MCF2L2: variants seen among roughly 807,000 people sequenced by gnomAD.
MCF2L2 encodes the protein MCF.2 cell line derived transforming sequence-like 2, also known as probable guanine nucleotide exchange factor MCF2L2.
MCF2L2 carries 102 observed loss-of-function variants against 150.2 expected under a neutral mutation model. That is an observed-to-expected ratio of 0.68 (90% CI 0.58 to 0.80). MCF2L2 has a LOEUF of 0.80. Among genes scored for constraint, MCF2L2 ranks in the 30% least tolerant of loss-of-function variants. MCF2L2 has a pLI of 0.00. For missense variants in MCF2L2, 1,256 were observed against 1,372.8 expected (o/e 0.91, Z 1.34); for synonymous variants, 465 against 491.3 (o/e 0.95, Z 0.71).
chr3:183,245,806 T>G (rs374321704), intron 15 of MCF2L2, among the ~76,000 whole-genome samples: 1 of 152,208 alleles, frequency 6.6e-6, no homozygotes, highest in Non-Finnish European at 1.5e-5. Flanking sequence ...AAAGATCTGA[T>G]GAATATGAAC....
At chr3:183,276,695 T>C (rs73884627) in intron 15 of MCF2L2, 177 bp downstream of exon 15, 4,972 of 469,988 alleles carry the variant, frequency 0.011, 208 homozygotes, top group African/African-American at 0.086. Flanking sequence ...CTTTTGCTTG[T>C]TGCTTTTGTG....
intron 15 of MCF2L2, among the ~76,000 whole-genome samples, chr3:183,233,481 G>C (rs1723657581): frequency 6.6e-6 from 1 of 152,012 alleles, no homozygotes; most frequent in African/African-American, 2.4e-5. Context: ...TAAAAAGAAT[G>C]AGGCTGACTA....
At chr3:183,371,254 A>G (rs1366315514) in intron 3 of MCF2L2, among the ~76,000 whole-genome samples, 5 of 152,214 alleles carry the variant, frequency 3.3e-5, no homozygotes, top group Admixed American at 1.3e-4. Context: ...CCTGTGACAC[A>G]GCCTCAGGAG....
chr3:183,385,889 G>A (rs1289796320), intron 2 of MCF2L2, among the ~76,000 whole-genome samples: 1 of 152,174 alleles, frequency 6.6e-6, no homozygotes, highest in Admixed American at 6.5e-5. Flanking sequence ...AAAGAAGCCA[G>A]CATTTTCCTT....
intron 15 of MCF2L2, 187 bp from the exon 16 acceptor site, chr3:183,231,204 G>A: frequency 1.5e-6 from 1 of 679,568 alleles, no homozygotes; most frequent in Non-Finnish European, 2.7e-6. Context: ...AACGCACACT[G>A]TGATCACACT....
intron 15 of MCF2L2, among the ~76,000 whole-genome samples, chr3:183,268,457 TAGA>T (rs1055036888): frequency 1.6e-4 from 24 of 151,442 alleles, no homozygotes; most frequent in Admixed American, 9.8e-4. Context: ...AAGAGAGATT[TAGA>T]AGAAGTGATT....
At chr3:183,417,031 G>C (rs1030695767) in intron 1 of MCF2L2, among the ~76,000 whole-genome samples, 4 of 134,232 alleles carry the variant, frequency 3.0e-5, no homozygotes, top group Non-Finnish European at 6.1e-5. Context: ...AGAATCATTT[G>C]AACCAGGGAG....
At chr3:183,352,969 T>C (rs557256934) in intron 3 of MCF2L2, among the ~76,000 whole-genome samples, 1 of 152,254 alleles carries the variant, frequency 6.6e-6, no homozygotes, top group South Asian at 2.1e-4. Context: ...AATCAGAAAA[T>C]GTTCGATATG....
chr3:183,390,829 T>C (rs1410231641), intron 1 of MCF2L2, among the ~76,000 whole-genome samples: 1 of 152,152 alleles, frequency 6.6e-6, no homozygotes, highest in Non-Finnish European at 1.5e-5. Context: ...TCTAGGAGTT[T>C]GAGGCTGTCG....
chr3:183,216,215 T>G (rs1229903299), intron 21 of MCF2L2, 121 bp from the exon 22 acceptor site: 10 of 1,059,222 alleles, frequency 9.4e-6, no homozygotes, highest in Non-Finnish European at 1.2e-5. Context: ...AGGGTGGATA[T>G]TGATCTGTCT....
chr3:183,360,735 T>C (rs968022534), intron 3 of MCF2L2, among the ~76,000 whole-genome samples: 1 of 151,990 alleles, frequency 6.6e-6, no homozygotes, highest in Non-Finnish European at 1.5e-5. Flanking sequence ...TTTGGGAGGC[T>C]GAGGTGGGTG....
intron 27 of MCF2L2, among the ~76,000 whole-genome samples, chr3:183,183,501 A>G (rs1721597252): frequency 6.6e-6 from 1 of 152,228 alleles, no homozygotes; most frequent in Non-Finnish European, 1.5e-5. Flanking sequence ...TGGCAGGAGA[A>G]GGTGCTCTGG....
intron 15 of MCF2L2, among the ~76,000 whole-genome samples, chr3:183,256,049 T>C (rs1486723116): frequency 6.6e-6 from 1 of 152,156 alleles, no homozygotes; most frequent in South Asian, 2.1e-4. Context: ...CAGAGGGAAA[T>C]TGTCTCTTCT....
chr3:183,306,486 C>T (rs1729103244), intron 10 of MCF2L2, among the ~76,000 whole-genome samples: 1 of 152,092 alleles, frequency 6.6e-6, no homozygotes, highest in South Asian at 2.1e-4. Flanking sequence ...AGTTTATTTC[C>T]CCCCGAGGAC....
intron 1 of MCF2L2, among the ~76,000 whole-genome samples, chr3:183,426,901 T>G (rs150100197): frequency 6.6e-6 from 1 of 152,350 alleles, no homozygotes; most frequent in Non-Finnish European, 1.5e-5. Flanking sequence ...GTGTATCATT[T>G]GAGATGTGCA....
intron 7 of MCF2L2, among the ~76,000 whole-genome samples, chr3:183,317,294 C>T (rs189737980): frequency 6.6e-5 from 10 of 152,210 alleles, no homozygotes; most frequent in African/African-American, 2.2e-4. Flanking sequence ...ATACACTGAC[C>T]GTCCAATCCT....
At chr3:183,212,569 G>C (rs927312874) in intron 22 of MCF2L2, among the ~76,000 whole-genome samples, 1 of 152,224 alleles carries the variant, frequency 6.6e-6, no homozygotes, top group Admixed American at 6.5e-5. Flanking sequence ...TTGGCCAAAT[G>C]AAGAGTCTGG....
At chr3:183,273,547 G>C (rs1417844723) in intron 15 of MCF2L2, among the ~76,000 whole-genome samples, 2 of 152,138 alleles carry the variant, frequency 1.3e-5, no homozygotes, top group African/African-American at 4.8e-5. Context: ...ACTCATGCTG[G>C]AATATCTGGA....
At chr3:183,407,591 CA>C (rs1715108736) in intron 1 of MCF2L2, among the ~76,000 whole-genome samples, 2 of 152,158 alleles carry the variant, frequency 1.3e-5, no homozygotes, top group Admixed American at 1.3e-4. Flanking sequence ...ACTGCAAAGC[CA>C]CAGAAAATGA....
Sources: allele counts gnomAD v4.1 joint callset (sites outside exome capture counted in the v4.1 genomes callset), GRCh38; gene constraint gnomAD v4.1.1; transcripts MANE v1.5; gene names NCBI Gene and HGNC (gene_info 2026-07-23, HGNC 2026-07-21).